Variants in DEGS2 observed in about 807,000 individuals in gnomAD.
DEGS2 encodes delta 4-desaturase, sphingolipid 2.
Under a neutral mutation model 23.8 loss-of-function variants are expected in DEGS2, and 19 were observed. That is an observed-to-expected ratio of 0.80 (90% CI 0.56 to 1.17). The LOEUF is 1.17. DEGS2 is among the 50% of genes most tolerant of loss of function. The pLI is 0.00. For missense variants in DEGS2, 390 were observed against 459.5 expected (o/e 0.85, Z 1.38); for synonymous variants, 218 against 213.7 (o/e 1.02, Z -0.18).
rs1889523254 is a variant in DEGS2 at position 100,149,462 on chromosome 14, ACACGGCCAGCCAGCGGTTGCGTGCCG to A, written c.305_330del (p.Ala102ValfsTer193). The A allele has an allele frequency of 6.3e-7, 1 of 1,595,946 alleles. No homozygotes were observed. Among genetic ancestry groups the A allele is most frequent in the Non-Finnish European group, 8.5e-7 (1 of 1,170,860 alleles). Reference sequence around the variant, plus strand: ...GGCACACCCACGGGCAGGTTGGCGAACACGGCCAGCCAGCGGTTGCGTGCCGCACGGCCCGTGCCGAAGGCCGCGTT... The same window carrying A: ...GGCACACCCACGGGCAGGTTGGCGAACACGGCCCGTGCCGAAGGCCGCGTT... On this transcript the variant is annotated frameshift_variant, in exon 2 of 3. Transcript: ENST00000305631. LOFTEE classifies it high-confidence loss of function.
chr14:100,162,371 TAAAA>T (rs752824421), upstream of DEGS2, among the ~76,000 whole-genome samples: 37 of 146,246 alleles, frequency 2.5e-4, no homozygotes, highest in East Asian at 5.7e-3. Flanking sequence ...TAAAAATAAA[TAAAA>T]TAAATAAATA....
chr14:100,152,392 T>C (rs1263811755), intron 1 of DEGS2, among the ~76,000 whole-genome samples: 1 of 152,074 alleles, frequency 6.6e-6, no homozygotes, highest in African/African-American at 2.4e-5. Flanking sequence ...CTATGGAGCA[T>C]TATTTCTGGG....
chr14:100,154,340 G>GGCAACAAA (rs1028255391), intron 1 of DEGS2, among the ~76,000 whole-genome samples: 1 of 144,774 alleles, frequency 6.9e-6, no homozygotes, highest in African/African-American at 2.6e-5. Flanking sequence ...ACTCCAGCCT[G>GGCAACAAA]GCAACAAAGC....
At chr14:100,151,386 CTG>C (rs1269978423) in intron 1 of DEGS2, among the ~76,000 whole-genome samples, 1 of 152,252 alleles carries the variant, frequency 6.6e-6, no homozygotes, top group Non-Finnish European at 1.5e-5. Context: ...TAACTAAAAA[CTG>C]AGCAGTGCAC....
At chr14:100,162,664 A>G (rs1889762913), upstream of DEGS2, among the ~76,000 whole-genome samples, 2 of 152,214 alleles carry the variant, frequency 1.3e-5, no homozygotes, top group Non-Finnish European at 2.9e-5. Context: ...CTGGAAACTG[A>G]GAGGGAGCCC....
At position 100,146,716 on chromosome 14, in the gene DEGS2, GGGGCCGAT is replaced by G. The variant is rs1373451654; in HGVS notation, c.*37_*44del. The G allele has an allele frequency of 6.2e-7, 1 of 1,603,178 alleles. No individual in the cohort carries two copies. Among genetic ancestry groups the G allele is most frequent in the African/African-American group, 1.3e-5 (1 of 74,776 alleles). On this transcript the variant is annotated 3_prime_UTR_variant, in exon 3 of 3. Transcript: ENST00000305631. ...TCTCAGTGCTGGGGTGCAAGGCTGA[GGGGCCGAT>G]GGGGGACAATGGCCACCACCAGGAG...
intron 2 of DEGS2, among the ~76,000 whole-genome samples, chr14:100,147,706 C>G (rs1286378419): frequency 1.3e-5 from 2 of 149,100 alleles, no homozygotes; most frequent in Admixed American, 1.3e-4. Context: ...GCCCTGTCAC[C>G]TCCTAAGGAT....
At chr14:100,157,426 A>AGGCCCCT (rs1889675414) in intron 1 of DEGS2, among the ~76,000 whole-genome samples, 1 of 152,208 alleles carries the variant, frequency 6.6e-6, no homozygotes, top group Non-Finnish European at 1.5e-5. Flanking sequence ...AGGGCCAAGG[A>AGGCCCCT]GGCCCCTGCT....
At position 100,151,136 on chromosome 14, in the gene DEGS2, C is replaced by T. The variant is rs116360710; in HGVS notation, c.83-1426G>A. Among the ~76,000 whole-genome samples, 1,192 of 152,372 alleles carry T rather than the reference C, an allele frequency of 7.8e-3. 15 individuals carry two copies. Among genetic ancestry groups the T allele is most frequent in the African/African-American group, 0.027 (1,128 of 41,586 alleles). On this transcript the variant is annotated intron_variant, in intron 1 of 2. Transcript: ENST00000305631. ...ATAGCAGGGGCCCACCAGCCTGCGT[C>T]TTCCCATCTGGGAAATGGGGACGCC...
intron 1 of DEGS2, among the ~76,000 whole-genome samples, chr14:100,156,409 G>C (rs1218317875): frequency 6.6e-6 from 1 of 152,244 alleles, no homozygotes; most frequent in Non-Finnish European, 1.5e-5. Flanking sequence ...AGGTCTCTGA[G>C]ACATTAATCA....
chr14:100,150,969 G>A lies in DEGS2; in HGVS notation c.83-1259C>T, dbSNP rs116855947. Among the ~76,000 whole-genome samples, 17 of 152,336 alleles carry A rather than the reference G, an allele frequency of 1.1e-4. No individual in the cohort carries two copies. In the East Asian group the frequency reaches 2.3e-3, roughly 21 times the overall value. On this transcript the variant is annotated intron_variant, in intron 1 of 2. Transcript: ENST00000305631. ...CTGGGACCCCAGAAACAGGCACTGG[G>A]CTGGCCCATCCAACAGGCATGCCCC...
chr14:100,160,909 C>T (rs1457065667), upstream of DEGS2, among the ~76,000 whole-genome samples: 1 of 152,202 alleles, frequency 6.6e-6, no homozygotes, highest in Non-Finnish European at 1.5e-5. Context: ...CCATGGCCAT[C>T]ACCCCTTGCC....
At chr14:100,166,394 C>T in the DEGS2 span, among the ~76,000 whole-genome samples, 1 of 146,342 alleles carries the variant, frequency 6.8e-6, no homozygotes, top group African/African-American at 2.6e-5. Flanking sequence ...CTGCTCTTCA[C>T]TCTCAGGAGC....
At chr14:100,165,735 C>T in the DEGS2 span, among the ~76,000 whole-genome samples, 1 of 152,028 alleles carries the variant, frequency 6.6e-6, no homozygotes, top group East Asian at 2.0e-4. Flanking sequence ...AAGGCTCCTC[C>T]AAAGGGAGCC....
rs1390155878 is a variant in DEGS2 at position 100,149,174 on chromosome 14, T to C, written c.619A>G (p.Lys207Glu). 7.4e-6 allele frequency: 12 copies of C among 1,612,722 alleles called. No homozygotes were observed. Among genetic ancestry groups the C allele is most frequent in the Non-Finnish European group, 9.3e-6 (11 of 1,179,926 alleles). The change falls in exon 2 of 3, where the codon AAG becomes GAG. Residue 207 changes from lysine (K) to glutamate (E), a missense_variant. Coordinates refer to ENST00000305631, the MANE Select transcript of DEGS2 (RefSeq NM_206918.3). The stretch of plus-strand genomic sequence containing the variant: ...CTGGCCAGCAGGTAGACCACGGGCT[T>C]GAGCCCCCAAAGGGCAAAGATGGCC... Reference protein sequence around the residue: ...DLAIFALWGLKPVVYLLASSF... With the variant: ...DLAIFALWGLEPVVYLLASSF...
chr14:100,150,108 C>T (rs1317398385), intron 1 of DEGS2, among the ~76,000 whole-genome samples: 1 of 152,230 alleles, frequency 6.6e-6, no homozygotes, highest in African/African-American at 2.4e-5. Context: ...GGACCCAGCG[C>T]CCGCAGCAAA....
At chr14:100,148,939 G>A (rs536993689) in intron 2 of DEGS2, 29 bp downstream of exon 2, 17 of 1,601,296 alleles carry the variant, frequency 1.1e-5, no homozygotes, top group Admixed American at 6.8e-5. Flanking sequence ...GCCCTGCCCC[G>A]CCGCAGCCCT....
upstream of DEGS2, among the ~76,000 whole-genome samples, chr14:100,164,091 C>T (rs1301873082): frequency 6.6e-6 from 1 of 151,968 alleles, no homozygotes; most frequent in Non-Finnish European, 1.5e-5. Context: ...TGGCTCGCGC[C>T]TGTGGTCCCA....
At chr14:100,165,982 G>A in the DEGS2 span, among the ~76,000 whole-genome samples, 5 of 66,700 alleles carry the variant, frequency 7.5e-5, no homozygotes, top group Admixed American at 1.5e-4. Flanking sequence ...CCTGTCTGGG[G>A]GAGTAGGGGG....
Sources: allele counts gnomAD v4.1 joint callset (sites outside exome capture counted in the v4.1 genomes callset), GRCh38; gene constraint gnomAD v4.1.1; transcripts MANE v1.5; gene names NCBI Gene and HGNC (gene_info 2026-07-23, HGNC 2026-07-21).